The following PCDHGA2 variants were observed in gnomAD, a reference collection of about 807,000 sequenced individuals.
The protein encoded by PCDHGA2 is protocadherin gamma-A2.
A neutral mutation model predicts 59.2 loss-of-function variants in PCDHGA2; 40 were observed. That is an observed-to-expected ratio of 0.68 (90% confidence interval 0.52 to 0.88). PCDHGA2 has a LOEUF of 0.88. Ranked by LOEUF, PCDHGA2 falls within the 40% of genes least tolerant of loss-of-function variation. The pLI, the probability that PCDHGA2 is intolerant of heterozygous loss-of-function variation, is 0.00. For synonymous variants in PCDHGA2, 560 were observed against 526.0 expected (o/e 1.06, Z -0.89); for missense variants, 1,226 against 1,204.0 (o/e 1.02, Z -0.27).
At chr5:141,433,848 A>AAC (rs1403081382) in intron 1 of PCDHGA2, among the ~76,000 whole-genome samples, 1 of 151,964 alleles carries the variant, frequency 6.6e-6, no homozygotes, top group South Asian at 2.1e-4. Context: ...AAAAAAAAAA[A>AAC]AAAAAAACTT....
At chr5:141,375,718 C>T in intron 1 of PCDHGA2, 2 of 1,614,270 alleles carry the variant, frequency 1.2e-6, no homozygotes, top group African/African-American at 1.3e-5. Context: ...TTAGCAGCAA[C>T]GTGTCACTGA....
chr5:141,497,736 G>A (rs1437670417), intron 2 of PCDHGA2, among the ~76,000 whole-genome samples: 6 of 151,962 alleles, frequency 3.9e-5, no homozygotes, highest in Admixed American at 1.3e-4. Flanking sequence ...GATGGGTTTC[G>A]CCACGTTGGC....
chr5:141,375,418 C>T, intron 1 of PCDHGA2: 2 of 1,613,972 alleles, frequency 1.2e-6, no homozygotes, highest in Non-Finnish European at 1.7e-6. Context: ...TGGCAGACAC[C>T]AACGACAACC....
intron 1 of PCDHGA2, chr5:141,382,944 G>A (rs375823415): frequency 6.3e-7 from 1 of 1,596,888 alleles, no homozygotes; most frequent in Non-Finnish European, 8.6e-7. Flanking sequence ...GATTCTTCCT[G>A]CTCTCCATCC....
At chr5:141,382,861 TC>T in intron 1 of PCDHGA2, 1 of 1,514,402 alleles carries the variant, frequency 6.6e-7, no homozygotes, top group South Asian at 1.3e-5. Flanking sequence ...CTGAAGCACT[TC>T]CCGAGATCGG....
chr5:141,339,957 C>A lies in PCDHGA2; in HGVS notation c.986C>A (p.Thr329Asn). Residue 329 changes from threonine to asparagine, a missense_variant, in exon 1 of 4, where the codon ACC becomes AAC. Thr to Asn is a moderately conservative substitution (Grantham distance 65, BLOSUM62 0). Coordinates refer to ENST00000394576, the MANE Select transcript of PCDHGA2 (RefSeq NM_018915.4). ...IEAQDGPGLL[T>N]RAKVIVTVLD... The stretch of plus-strand genomic sequence containing the variant: ...GCTCAGGATGGTCCGGGCCTTCTAA[C>A]CAGAGCGAAGGTTATCGTCACGGTT... 1 of 1,614,112 alleles carries A rather than the reference C, an allele frequency of 6.2e-7. No homozygotes were observed. Among genetic ancestry groups the A allele is most frequent in the Non-Finnish European group, 8.5e-7 (1 of 1,179,996 alleles).
At chr5:141,403,574 C>T (rs1441332710) in intron 1 of PCDHGA2, 1 of 1,613,960 alleles carries the variant, frequency 6.2e-7, no homozygotes, top group Non-Finnish European at 8.5e-7. Context: ...GGCAACTGCC[C>T]ACCACCTGGT....
At chr5:141,413,270 C>T (rs2095621736) in intron 1 of PCDHGA2, 5 of 1,613,924 alleles carry the variant, frequency 3.1e-6, no homozygotes, top group Non-Finnish European at 4.2e-6. Flanking sequence ...GAGGCTGGAG[C>T]CCGGCAGATC....
chr5:141,351,683 C>G (rs373123826), intron 1 of PCDHGA2: 1 of 1,614,002 alleles, frequency 6.2e-7, no homozygotes, highest in Non-Finnish European at 8.5e-7. Context: ...CGCCTCCGAC[C>G]CGGATTTGGG....
intron 2 of PCDHGA2, among the ~76,000 whole-genome samples, chr5:141,495,279 G>C (rs72790069): frequency 0.027 from 4,092 of 152,256 alleles, 88 homozygotes; most frequent in Middle Eastern, 0.048. Flanking sequence ...CGGAGGAGGC[G>C]GTCCGCACTC....
intron 1 of PCDHGA2, among the ~76,000 whole-genome samples, chr5:141,397,322 AATT>A (rs1264296504): frequency 6.6e-6 from 1 of 152,188 alleles, no homozygotes; most frequent in Non-Finnish European, 1.5e-5. Flanking sequence ...AGTAAAGAAA[AATT>A]ATTTTTATAA....
chr5:141,434,481 A>G (rs2097697198), intron 1 of PCDHGA2, among the ~76,000 whole-genome samples: 1 of 152,246 alleles, frequency 6.6e-6, no homozygotes, highest in Non-Finnish European at 1.5e-5. Context: ...GGCAAGGAAC[A>G]CCTGGCCCGC....
At chr5:141,448,480 C>A (rs889742803) in intron 1 of PCDHGA2, among the ~76,000 whole-genome samples, 1 of 152,184 alleles carries the variant, frequency 6.6e-6, no homozygotes, top group Admixed American at 6.6e-5. Flanking sequence ...ACCCTTGCTT[C>A]CTCCTGTCCC....
At position 141,489,264 on chromosome 5, in the gene PCDHGA2, G is replaced by T. The variant is rs1314393358; in HGVS notation, c.2425-5543G>T. 10 of 1,553,088 alleles carry T rather than the reference G, an allele frequency of 6.4e-6. No individual in the cohort carries two copies. Among genetic ancestry groups the T allele is most frequent in the Non-Finnish European group, 7.0e-6 (8 of 1,149,620 alleles). ...TCATGGGGCCCAAGACACTCCCACA[G>T]CTCGCTGGGAAATGGCAAGTGCTGT... On this transcript the variant is annotated intron_variant, in intron 1 of 3. Transcript: ENST00000394576. The surrounding 1 kb of genome is among the most constrained non-coding windows in gnomAD (Gnocchi z 4.5).
intron 3 of PCDHGA2, among the ~76,000 whole-genome samples, chr5:141,505,697 C>T (rs540949327): frequency 1.4e-4 from 21 of 152,198 alleles, no homozygotes; most frequent in Admixed American, 7.2e-4. Context: ...TGGAGGAGAG[C>T]GAACAAGGAA....
rs192677983 is a variant in PCDHGA2 at position 141,457,339 on chromosome 5, A to G, written c.2425-37468A>G. On this transcript the variant is annotated intron_variant, in intron 1 of 3. Transcript: ENST00000394576. The stretch of plus-strand genomic sequence containing the variant: ...CCTCCGGGTTACAGGTACCTTACTT[A>G]CTTTCATTACCTGGCACAATTTGCA... Among the ~76,000 whole-genome samples the G allele has an allele frequency of 3.1e-4, 47 of 152,268 alleles. No individual in the cohort carries two copies. The South Asian group carries it at 3.3e-3, about 11-fold the overall frequency.
At chr5:141,415,552 G>A in intron 1 of PCDHGA2, 1 of 1,614,098 alleles carries the variant, frequency 6.2e-7, no homozygotes, top group Admixed American at 1.7e-5. Context: ...TGAGAAAAAC[G>A]ATCCTTTGTC....
chr5:141,390,321 C>A (rs776100029), intron 1 of PCDHGA2: 1 of 1,606,964 alleles, frequency 6.2e-7, no homozygotes, highest in Non-Finnish European at 8.5e-7. Context: ...TCATTGCCTA[C>A]CCATTTCTCC....
chr5:141,371,047 G>A, intron 1 of PCDHGA2: 1 of 1,613,990 alleles, frequency 6.2e-7, no homozygotes. Flanking sequence ...GTGGATGGGG[G>A]CGAGCCCTCC....
Sources: gnomAD v4.1 joint callset for allele counts (sites outside exome capture counted in the v4.1 genomes callset) on GRCh38, gnomAD v4.1.1 for gene constraint, Gnocchi (gnomAD v3.1) non-coding constraint, MANE v1.5 for transcripts, NCBI Gene and HGNC (gene_info 2026-07-23, HGNC 2026-07-21) for gene names.